The following LACC1 variants were observed in gnomAD, a reference collection of about 807,000 sequenced individuals.
LACC1 encodes the protein purine nucleoside phosphorylase LACC1.
In LACC1, 25 loss-of-function variants were observed where a neutral mutation model predicts 34.8. That is an observed-to-expected ratio of 0.72 (90% confidence interval 0.52 to 1.00). The LOEUF is 1.00. LACC1 is among the 50% of genes least tolerant of loss of function. The pLI is 0.00. For synonymous variants in LACC1, 162 were observed against 168.0 expected (o/e 0.96, Z 0.28); for missense variants, 426 against 511.2 (o/e 0.83, Z 1.61).
chr13:43,892,780 T>G lies in LACC1; in HGVS notation c.*1333T>G, dbSNP rs1271459487. ...ACAGAAGTAAGAAAAAAAGGGTAGT[T>G]GTTTTGAAGAAGCCAGGATAGGTGT... On this transcript the variant is annotated 3_prime_UTR_variant, in exon 7 of 7. Coordinates refer to ENST00000325686, the MANE Select transcript of LACC1 (RefSeq NM_153218.4). The G allele has an allele frequency of 6.6e-6, 1 of 152,128 alleles. No individual in the cohort carries two copies. The highest frequency in any genetic ancestry group is 2.4e-5 in the African/African-American group (1 of 41,404). 9.4% of individuals were successfully genotyped at this position (152,128 alleles called of 1,614,324 possible). A position where few individuals can be genotyped will look rare whatever the true frequency, so the allele number is the denominator to read the frequency against.
At chr13:43,880,238 A>G (rs2275252) in intron 1 of LACC1, 119 bp downstream of exon 1, 1 of 150,672 alleles carries the variant, frequency 6.6e-6, no homozygotes, top group African/African-American at 2.4e-5. Flanking sequence ...GAGCCCCGAG[A>G]GATGGGGAGC....
At position 43,882,440 on chromosome 13, in the gene LACC1, A is replaced by G; in HGVS notation, c.741+77A>G. ...CTAGTAACTACATGGACTTTAAGCTATTTAACTTTTGTATCTGCTTTTTTA... is the reference window on the plus strand; with the variant it reads ...CTAGTAACTACATGGACTTTAAGCTGTTTAACTTTTGTATCTGCTTTTTTA... On this transcript the variant is annotated intron_variant, in intron 3 of 6. Transcript: ENST00000325686. The G allele has an allele frequency of 9.7e-6, 11 of 1,134,526 alleles. No individual in the cohort carries two copies. In the South Asian group the frequency reaches 1.3e-4, roughly 14 times the overall value. 70.3% of individuals were successfully genotyped at this position (1,134,526 alleles called of 1,614,324 possible).
chr13:43,893,320 A>C lies in LACC1; in HGVS notation c.*1873A>C, dbSNP rs1302136448. 1.3e-5 allele frequency: 2 copies of C among 152,014 alleles called. No homozygotes were observed. The highest frequency in any genetic ancestry group is 4.8e-5 in the African/African-American group (2 of 41,442). The allele number at this position is 152,014 out of a possible 1,614,324, so 9.4% of individuals were successfully genotyped here. Reference sequence around the variant, plus strand: ...AGAAAACTGAGCTTCATTGAGGTGGAGGTCAAAAATCACAAAATTTGTGAT... The same window carrying C: ...AGAAAACTGAGCTTCATTGAGGTGGCGGTCAAAAATCACAAAATTTGTGAT... On this transcript the variant is annotated 3_prime_UTR_variant, in exon 7 of 7. Coordinates refer to ENST00000325686, the MANE Select transcript of LACC1 (RefSeq NM_153218.4).
chr13:43,886,487 T>C (rs940662195), intron 4 of LACC1, among the ~76,000 whole-genome samples: 11 of 152,114 alleles, frequency 7.2e-5, no homozygotes, highest in Non-Finnish European at 1.5e-4. Flanking sequence ...CCATCCTAAA[T>C]GAATTAATGC....
chr13:43,880,421 A>C (rs1009626881), intron 1 of LACC1, among the ~76,000 whole-genome samples: 3 of 152,174 alleles, frequency 2.0e-5, no homozygotes, highest in Admixed American at 2.0e-4. Flanking sequence ...CCAAATCACT[A>C]TAGCTTTTGT....
At position 43,891,671 on chromosome 13, in the gene LACC1, A is replaced by G. The variant is rs975047832; in HGVS notation, c.*224A>G. The G allele has an allele frequency of 2.0e-6, 1 of 504,398 alleles. No individual in the cohort carries two copies. The highest frequency in any genetic ancestry group is 2.6e-6 in the Non-Finnish European group (1 of 390,408). 31.2% of individuals were successfully genotyped at this position (504,398 alleles called of 1,614,324 possible). The stretch of plus-strand genomic sequence containing the variant: ...GTAGCTAATATGTTTTATGCATGAG[A>G]ATTATTCTTAAAGTTTGTTCTCCCT... On this transcript the variant is annotated 3_prime_UTR_variant, in exon 7 of 7. Transcript: ENST00000325686.
Position 43,891,453 on chromosome 13 carries a change from T to G in LACC1, c.*6T>G. The G allele has an allele frequency of 1.0e-6, 1 of 984,014 alleles. No individual in the cohort carries two copies. Among genetic ancestry groups the G allele is most frequent in the Non-Finnish European group, 1.2e-6 (1 of 828,484 alleles). The allele number at this position is 984,014 out of a possible 1,614,324, so 61.0% of individuals were successfully genotyped here. A position where few individuals can be genotyped will look rare whatever the true frequency, so the allele number is the denominator to read the frequency against. On this transcript the variant is annotated 3_prime_UTR_variant, in exon 7 of 7. Transcript: ENST00000325686. ...TGATTTCTATGTATTTTACAGATAC[T>G]TGACTGGATTTTTGTATAACTGCTT... is the stretch of plus-strand genomic sequence containing the variant.
Position 43,880,983 on chromosome 13 carries a change from AG to A in LACC1, c.-1del. On this transcript the variant is annotated 5_prime_UTR_variant, in exon 2 of 7. Coordinates refer to ENST00000325686, the MANE Select transcript of LACC1 (RefSeq NM_153218.4). The stretch of plus-strand genomic sequence containing the variant: ...TATTTGGCATAAAAGTATTCTTTCA[AG>A]GATGGCAGAAGCTGTTTTGATTGAT... 1 of 1,607,040 alleles carries A rather than the reference AG, an allele frequency of 6.2e-7. No homozygotes were observed. The highest frequency in any genetic ancestry group is 8.5e-7 in the Non-Finnish European group (1 of 1,176,364).
upstream of LACC1, chr13:43,879,512 AGACCC>A (rs1954812926): frequency 6.6e-6 from 1 of 152,356 alleles, no homozygotes; most frequent in Non-Finnish European, 1.5e-5. Context: ...CGGACCGCCC[AGACCC>A]GGAACTGCTG....
chr13:43,881,295 A>G lies in LACC1; in HGVS notation c.310A>G (p.Lys104Glu). The part of the protein sequence containing the change: ...KIDEKNLSSI[K>E]VIVPRHRKTL... ...TGATGAAAAAAATCTGAGCAGCATTAAGGTAATTGTACCCAGGCACAGGAA... is the reference window on the plus strand; with the variant it reads ...TGATGAAAAAAATCTGAGCAGCATTGAGGTAATTGTACCCAGGCACAGGAA... Residue 104 changes from lysine to glutamate, a missense_variant, in exon 2 of 7, where the codon AAG (lysine) becomes GAG (glutamate). Physicochemically the swap from Lys to Glu is moderately conservative, Grantham distance 56. Transcript: ENST00000325686. 1 of 1,614,152 alleles carries G rather than the reference A, an allele frequency of 6.2e-7. No individual in the cohort carries two copies. Among genetic ancestry groups the G allele is most frequent in the Non-Finnish European group, 8.5e-7 (1 of 1,179,984 alleles).
intron 3 of LACC1, among the ~76,000 whole-genome samples, chr13:43,882,948 G>A (rs1211230763): frequency 1.3e-5 from 2 of 151,584 alleles, no homozygotes; most frequent in East Asian, 2.0e-4. Flanking sequence ...CCATTCCATT[G>A]CAGGGTGCCC....
At chr13:43,879,737 A>G (rs3816312), upstream of LACC1, 119,213 of 139,286 alleles carry the variant, frequency 0.86, 51,061 homozygotes, top group South Asian at 0.92. Context: ...GCGGCGAGGT[A>G]GGTGAGGTGA....
Position 43,881,290 on chromosome 13 carries a change from G to A in LACC1, c.305G>A (p.Ser102Asn). 6.2e-7 allele frequency: 1 copy of A among 1,614,096 alleles called. No homozygotes were observed. Among genetic ancestry groups the A allele is most frequent in the Non-Finnish European group, 8.5e-7 (1 of 1,179,988 alleles). Residue 102 changes from serine to asparagine, a missense_variant, in exon 2 of 7, where the codon AGC becomes AAC. Physicochemically the swap from Ser to Asn is conservative, Grantham distance 46. Transcript: ENST00000325686. Reference protein sequence around the residue: ...KQKIDEKNLSSIKVIVPRHRK... With the variant: ...KQKIDEKNLSNIKVIVPRHRK... ...AAAATTGATGAAAAAAATCTGAGCA[G>A]CATTAAGGTAATTGTACCCAGGCAC... is the stretch of plus-strand genomic sequence containing the variant.
chr13:43,879,909 C>T lies in LACC1; in HGVS notation c.-245C>T, dbSNP rs1954900423. ...TGACCCGCTCGCGGCTGCCCAATTT[C>T]GTTGAGGCTCAGGACGAGGGACGGG... On this transcript the variant is annotated 5_prime_UTR_variant, in exon 1 of 7. Transcript: ENST00000325686. 3 of 152,502 alleles carry T rather than the reference C, an allele frequency of 2.0e-5. No individual in the cohort carries two copies. Among genetic ancestry groups the T allele is most frequent in the African/African-American group, 4.8e-5 (2 of 41,318 alleles). 9.4% of individuals were successfully genotyped at this position (152,502 alleles called of 1,614,324 possible). A position where few individuals can be genotyped will look rare whatever the true frequency, so the allele number is the denominator to read the frequency against.
Position 43,893,015 on chromosome 13 carries a change from G to A in LACC1, c.*1568G>A, listed in dbSNP as rs1005493973. 6.6e-6 allele frequency: 1 copy of A among 152,186 alleles called. No individual in the cohort carries two copies. The highest frequency in any genetic ancestry group is 2.4e-5 in the African/African-American group (1 of 41,438). The allele number at this position is 152,186 out of a possible 1,614,324, so 9.4% of individuals were successfully genotyped here. A position where few individuals can be genotyped will look rare whatever the true frequency, so the allele number is the denominator to read the frequency against. On this transcript the variant is annotated 3_prime_UTR_variant, in exon 7 of 7. Coordinates refer to ENST00000325686, the MANE Select transcript of LACC1 (RefSeq NM_153218.4). Reference sequence around the variant, plus strand: ...CTGGGGACTACATCTTCAAGGAAGGGACTTTTTTTGGATGAGCAGTTTTGA... The same window carrying A: ...CTGGGGACTACATCTTCAAGGAAGGAACTTTTTTTGGATGAGCAGTTTTGA...
At position 43,881,305 on chromosome 13, in the gene LACC1, T is replaced by G; in HGVS notation, c.320T>G (p.Val107Gly). Residue 107 changes from valine to glycine, a missense_variant, in exon 2 of 7, where the codon GTA becomes GGA. Physicochemically the swap from Val to Gly is moderately radical, Grantham distance 109. This residue lies in a region of LACC1 where 217 missense variants were observed against 210.9 expected (regional missense o/e 1.03). Transcript: ENST00000325686. Reference sequence around the variant, plus strand: ...AATCTGAGCAGCATTAAGGTAATTGTACCCAGGCACAGGAAGACATTAATG... The same window carrying G: ...AATCTGAGCAGCATTAAGGTAATTGGACCCAGGCACAGGAAGACATTAATG... ...EKNLSSIKVI[V>G]PRHRKTLMKA... 6.2e-7 allele frequency: 1 copy of G among 1,614,058 alleles called. No individual in the cohort carries two copies. Among genetic ancestry groups the G allele is most frequent in the South Asian group, 1.1e-5 (1 of 91,080 alleles).
intron 1 of LACC1, 53 bp from the exon 2 acceptor site, chr13:43,880,899 G>GT: frequency 1.7e-6 from 2 of 1,154,868 alleles, no homozygotes; most frequent in Non-Finnish European, 2.4e-6. Context: ...AATTTCTGTT[G>GT]TAACTATAAG....
At chr13:43,886,704 G>A (rs1335480810) in intron 4 of LACC1, among the ~76,000 whole-genome samples, 2 of 152,098 alleles carry the variant, frequency 1.3e-5, no homozygotes, top group East Asian at 3.9e-4. Context: ...CCAGTGACAT[G>A]CAATTTACCC....
chr13:43,881,391 G>A lies in LACC1; in HGVS notation c.406G>A (p.Val136Met), dbSNP rs1476481773. 2.5e-6 allele frequency: 4 copies of A among 1,614,018 alleles called. No homozygotes were observed. In the African/African-American group the frequency reaches 4.0e-5, roughly 16 times the overall value. The change falls in exon 2 of 7, where the codon GTG becomes ATG. Residue 136 changes from valine (V) to methionine (M), a missense_variant. By Grantham distance (21) the Val-to-Met change is conservative. Transcript: ENST00000325686. Reference protein sequence around the residue: ...VYNFEFEDLQVTFRGGLFKQS... With the variant: ...VYNFEFEDLQMTFRGGLFKQS... ...CAATTTTGAATTTGAAGATTTGCAAGTGACTTTTAGGGGAGGGCTTTTTAA... is the reference window on the plus strand; with the variant it reads ...CAATTTTGAATTTGAAGATTTGCAAATGACTTTTAGGGGAGGGCTTTTTAA...
Sources: gnomAD v4.1 joint callset for allele counts (sites outside exome capture counted in the v4.1 genomes callset) on GRCh38, gnomAD v4.1.1 for gene constraint, gnomAD v4.1.1 regional missense constraint, MANE v1.5 for transcripts, NCBI Gene and HGNC (gene_info 2026-07-23, HGNC 2026-07-21) for gene names.